Variants in DNAH2 observed in about 807,000 individuals in gnomAD.
The protein encoded by DNAH2 is axonemal beta dynein heavy chain 2.
A neutral mutation model predicts 523.5 loss-of-function variants in DNAH2; 323 were observed. That is an observed-to-expected ratio of 0.62 (90% confidence interval 0.56 to 0.68). The LOEUF is 0.68. DNAH2 is among the 30% of genes least tolerant of loss of function. DNAH2 has a pLI of 0.00. For synonymous variants in DNAH2, 2,093 were observed against 2,177.4 expected (o/e 0.96, Z 1.08); for missense variants, 4,907 against 5,701.5 (o/e 0.86, Z 4.49).
chr17:7,783,743 G>A (rs550874144), intron 39 of DNAH2, among the ~76,000 whole-genome samples: 1 of 151,418 alleles, frequency 6.6e-6, no homozygotes, highest in East Asian at 1.9e-4. Flanking sequence ...GATTGCAGTG[G>A]CTGAGATTGT....
In DNAH2 at chr17:7,807,626, C is replaced by T; in HGVS notation, c.9729+40C>T. On this transcript the variant is annotated intron_variant, in intron 63 of 85. Coordinates refer to ENST00000572933, the MANE Select transcript of DNAH2 (RefSeq NM_020877.5). This position sits in a 1 kb window ranked among gnomAD's most constrained non-coding sequence, Gnocchi z 5.6. ...TGTCCTTTCCACGGAGGTCCCTCTC[C>T]CTGAGTTCTGGATTGCTTCATTAAG... 1.3e-6 allele frequency: 2 copies of T among 1,560,670 alleles called. No homozygotes were observed. The highest frequency in any genetic ancestry group is 1.3e-5 in the African/African-American group (1 of 74,086).
At chr17:7,799,322 T>C (rs2077158158) in intron 56 of DNAH2, 80 bp downstream of exon 56, 1 of 1,565,810 alleles carries the variant, frequency 6.4e-7, no homozygotes, top group African/African-American at 1.3e-5. Flanking sequence ...CTTCTGGAAA[T>C]TAGTGTCAGG....
At chr17:7,785,372 G>T (rs527669034) in intron 39 of DNAH2, among the ~76,000 whole-genome samples, 78 of 152,206 alleles carry the variant, frequency 5.1e-4, no homozygotes, top group African/African-American at 1.8e-3. Context: ...CAAAGAGTTG[G>T]GATTACAGAC....
At chr17:7,812,659 G>A (rs188221006) in intron 63 of DNAH2, among the ~76,000 whole-genome samples, 1 of 150,492 alleles carries the variant, frequency 6.6e-6, no homozygotes, top group Non-Finnish European at 1.5e-5. Flanking sequence ...GGTGGCTCAC[G>A]CCTGGAATCC....
intron 12 of DNAH2, among the ~76,000 whole-genome samples, chr17:7,746,630 A>G (rs541067586): frequency 2.2e-3 from 337 of 152,232 alleles, no homozygotes; most frequent in Non-Finnish European, 3.7e-3. Flanking sequence ...TTTACTGGGT[A>G]TTTTAAAATG....
Position 7,832,624 on chromosome 17 carries a change from G to C in DNAH2, c.12772G>C (p.Ala4258Pro). 1 of 1,614,146 alleles carries C rather than the reference G, an allele frequency of 6.2e-7. No homozygotes were observed. ...ATTGGCTGCCTGGACCCGGGACTTGGCCATGCGTGTGGAGCAGTTTGAGCT... is the reference window on the plus strand; with the variant it reads ...ATTGGCTGCCTGGACCCGGGACTTGCCCATGCGTGTGGAGCAGTTTGAGCT... ...KPLAAWTRDL[A>P]MRVEQFELWA... Residue 4258 changes from alanine (A) to proline (P), a missense_variant, in exon 83 of 86, where the codon GCC becomes CCC. By Grantham distance (27) the Ala-to-Pro change is conservative. Around this residue, in one of 3 missense-constraint regions of DNAH2, gnomAD observed 1,851 missense variants for 2,139.4 expected, o/e 0.87. Coordinates refer to ENST00000572933, the MANE Select transcript of DNAH2 (RefSeq NM_020877.5). This position sits in a 1 kb window ranked among gnomAD's most constrained non-coding sequence, Gnocchi z 4.3.
chr17:7,803,592 C>T (rs551017685), intron 58 of DNAH2, among the ~76,000 whole-genome samples: 50 of 152,032 alleles, frequency 3.3e-4, no homozygotes, highest in Non-Finnish European at 6.3e-4. Flanking sequence ...ATCATTTGAA[C>T]CCGGGAGGTG....
chr17:7,822,540 C>T (rs2077886642), intron 73 of DNAH2, among the ~76,000 whole-genome samples: 1 of 152,136 alleles, frequency 6.6e-6, no homozygotes. Flanking sequence ...AACTACCCCT[C>T]AACACTCTCA....
rs779912666 is a variant in DNAH2 at position 7,819,018 on chromosome 17, G to A, written c.10770G>A (p.Leu3590=). The change falls in exon 71 of 86, where the codon CTG becomes CTA. Residue 3590 remains leucine (L), a synonymous_variant. Transcript: ENST00000572933. The stretch of plus-strand genomic sequence containing the variant: ...CAGCCACAGAGGTGACTGAGCAGCT[G>A]GAGACCAGTGAGACCACAGAGATCA... ...KITATEVTEQ[L]ETSETTEINT... 1.9e-6 allele frequency: 3 copies of A among 1,603,984 alleles called. No individual in the cohort carries two copies. In the East Asian group the frequency reaches 6.8e-5, roughly 36 times the overall value.
chr17:7,804,146 G>GTCGCCGTAT, intron 58 of DNAH2, 110 bp from the exon 59 acceptor site: 30 of 1,118,370 alleles, frequency 2.7e-5, no homozygotes, highest in Admixed American at 1.2e-4. Flanking sequence ...AGTGTTGGTG[G>GTCGCCGTAT]CAACAGAAAG....
chr17:7,830,424 T>C lies in DNAH2; in HGVS notation c.11978T>C (p.Leu3993Pro). The C allele has an allele frequency of 1.2e-6, 2 of 1,614,280 alleles. No homozygotes were observed. Among genetic ancestry groups the C allele is most frequent in the South Asian group, 2.2e-5 (2 of 91,086 alleles). ...FSLCFFHSVLLERKKFLQLGW... is the reference protein window; with the variant it reads ...FSLCFFHSVLPERKKFLQLGW... ...CTCTGTTTCTTCCACTCTGTGTTAC[T>C]TGAACGCAAAAAGTTCCTGCAGCTT... The change falls in exon 78 of 86, where the codon CTT (leucine) becomes CCT (proline). Residue 3993 changes from leucine (L) to proline (P), a missense_variant. Physicochemically the swap from Leu to Pro is moderately conservative, Grantham distance 98. Coordinates refer to ENST00000572933, the MANE Select transcript of DNAH2 (RefSeq NM_020877.5).
intron 29 of DNAH2, 67 bp downstream of exon 29, chr17:7,775,043 T>C (rs763068518): frequency 6.4e-5 from 97 of 1,511,604 alleles, no homozygotes; most frequent in Non-Finnish European, 8.3e-5. Flanking sequence ...TGAAAAGCTT[T>C]GGAGGGGACC....
In DNAH2 at chr17:7,758,514, C is replaced by T; in HGVS notation, c.2071C>T (p.Pro691Ser). The part of the protein sequence containing the change: ...DYNRIIAMLS[P>S]DEQALFKERI... ...GCACAGGATTATTGCCATGCTGTCC[C>T]CAGATGAGCAGGCCCTATTCAAAGA... Residue 691 changes from proline (P) to serine (S), a missense_variant, in exon 14 of 86, where the codon CCA becomes TCA. Physicochemically the swap from Pro to Ser is moderately conservative, Grantham distance 74 (BLOSUM62 -1). Coordinates refer to ENST00000572933, the MANE Select transcript of DNAH2 (RefSeq NM_020877.5). 2 of 1,613,998 alleles carry T rather than the reference C, an allele frequency of 1.2e-6. No homozygotes were observed. Among genetic ancestry groups the T allele is most frequent in the South Asian group, 1.1e-5 (1 of 91,032 alleles).
chr17:7,728,667 G>C (rs1467813394), intron 4 of DNAH2, among the ~76,000 whole-genome samples: 9 of 152,138 alleles, frequency 5.9e-5, no homozygotes, highest in Non-Finnish European at 1.5e-5. Context: ...TTTCGGAGTA[G>C]GAATCTTAAT....
At position 7,719,738 on chromosome 17, in the gene DNAH2, T is replaced by C. The variant is rs752427034; in HGVS notation, c.4T>C (p.Ser2Pro). The change falls in exon 2 of 86, where the codon TCC becomes CCC. Residue 2 changes from serine (S) to proline (P), a missense_variant. This residue lies in a region of DNAH2 where 2,806 missense variants were observed against 3,190.8 expected (regional missense o/e 0.88). Coordinates refer to ENST00000572933, the MANE Select transcript of DNAH2 (RefSeq NM_020877.5). M[S>P]SKAEKKQRLS... ...ACCTGTAGGTTTTGCCTGCACGATG[T>C]CCAGCAAAGCTGAGAAGAAGCAGCG... is the stretch of plus-strand genomic sequence containing the variant. 1 of 1,614,198 alleles carries C rather than the reference T, an allele frequency of 6.2e-7. No homozygotes were observed.
rs73977763 is a variant in DNAH2, at chr17:7,817,904, C to G, written c.10237-42C>G. On this transcript the variant is annotated intron_variant, in intron 67 of 85. Transcript: ENST00000572933. ...TAGCCCCCCCCTTCCTGAGGCCCCACCTCTCCCGTAGTGTTCCTTCACCTT... is the reference window on the plus strand; with the variant it reads ...TAGCCCCCCCCTTCCTGAGGCCCCAGCTCTCCCGTAGTGTTCCTTCACCTT... 6,134 of 1,613,950 alleles carry G rather than the reference C, an allele frequency of 3.8e-3. 235 individuals are homozygous for G. The African/African-American group carries it at 0.072, about 19-fold the overall frequency.
At position 7,831,347 on chromosome 17, in the gene DNAH2, G is replaced by A. The variant is rs768375154; in HGVS notation, c.12459+33G>A. 1.2e-6 allele frequency: 2 copies of A among 1,614,002 alleles called. No individual in the cohort carries two copies. Among genetic ancestry groups the A allele is most frequent in the East Asian group, 2.2e-5 (1 of 44,886 alleles). ...GAGCCGGGCCTGGGGGAGGGAAAGTGATGAGAAGAGGGGGCTACACTCAAG... is the reference window on the plus strand; with the variant it reads ...GAGCCGGGCCTGGGGGAGGGAAAGTAATGAGAAGAGGGGGCTACACTCAAG... On this transcript the variant is annotated intron_variant, in intron 80 of 85. Transcript: ENST00000572933. This position sits in a 1 kb window ranked among gnomAD's most constrained non-coding sequence, Gnocchi z 4.2.
intron 77 of DNAH2, among the ~76,000 whole-genome samples, chr17:7,829,867 A>C (rs112500681): frequency 0.017 from 2,614 of 151,990 alleles, 68 homozygotes; most frequent in African/African-American, 0.059. Context: ...TCTACTAAAA[A>C]TACAAAAAAT....
At position 7,831,237 on chromosome 17, in the gene DNAH2, A is replaced by C; in HGVS notation, c.12382A>C (p.Thr4128Pro). The change falls in exon 80 of 86, where the codon ACC becomes CCC. Residue 4128 changes from threonine (T) to proline (P), a missense_variant. Physicochemically the swap from Thr to Pro is conservative, Grantham distance 38. Around this residue, in one of 3 missense-constraint regions of DNAH2, gnomAD observed 1,851 missense variants for 2,139.4 expected, o/e 0.87. Transcript: ENST00000572933. The surrounding 1 kb of genome is among the most constrained non-coding windows in gnomAD (Gnocchi z 4.2). ...GGCCTCTCAGATCACTGAGGCACAA[A>C]CCCTCTTTGATACTTTGCTTTCCTT... Reference protein sequence around the residue: ...DVASQITEAQTLFDTLLSLQP... With the variant: ...DVASQITEAQPLFDTLLSLQP... 1 of 1,614,040 alleles carries C rather than the reference A, an allele frequency of 6.2e-7. No individual in the cohort carries two copies. The highest frequency in any genetic ancestry group is 8.5e-7 in the Non-Finnish European group (1 of 1,180,022).
Sources: gnomAD v4.1 joint callset for allele counts (sites outside exome capture counted in the v4.1 genomes callset) on GRCh38, gnomAD v4.1.1 for gene constraint, gnomAD v4.1.1 regional missense constraint, Gnocchi (gnomAD v3.1) non-coding constraint, MANE v1.5 for transcripts, NCBI Gene and HGNC (gene_info 2026-07-23, HGNC 2026-07-21) for gene names.